The following ANKRD12 variants were observed in gnomAD, a reference collection of about 807,000 sequenced individuals.
The protein encoded by ANKRD12 is ankyrin repeat domain-containing protein 12.
A neutral mutation model predicts 183.4 loss-of-function variants in ANKRD12; 85 were observed. The observed-to-expected ratio is 0.46, with a 90% CI of 0.39 to 0.56. ANKRD12 has a LOEUF of 0.56. Ranked by LOEUF, ANKRD12 falls within the 20% of genes least tolerant of loss-of-function variation. ANKRD12 has a pLI of 0.00. For synonymous variants in ANKRD12, 914 were observed against 800.2 expected (o/e 1.14, Z -2.40); for missense variants, 2,405 against 2,357.1 (o/e 1.02, Z -0.42).
At chr18:9,191,342 A>G (rs139244316) in intron 2 of ANKRD12, among the ~76,000 whole-genome samples, 1 of 152,220 alleles carries the variant, frequency 6.6e-6, no homozygotes, top group East Asian at 1.9e-4. Flanking sequence ...CCTTTGTTCA[A>G]ATACGCCTTG....
At position 9,255,882 on chromosome 18, in the gene ANKRD12, A is replaced by T. The variant is rs1421646766; in HGVS notation, c.2615A>T (p.Lys872Met). The T allele has an allele frequency of 1.3e-6, 2 of 1,595,622 alleles. No homozygotes were observed. The highest frequency in any genetic ancestry group is 1.7e-6 in the Non-Finnish European group (2 of 1,175,248). Residue 872 changes from lysine to methionine, a missense_variant, in exon 9 of 13, where the codon AAG becomes ATG. By Grantham distance (95) the Lys-to-Met change is moderately conservative. Around this residue, in one of 7 missense-constraint regions of ANKRD12, gnomAD observed 1,983 missense variants for 1,725.9 expected, o/e 1.15. Transcript: ENST00000262126. The part of the protein sequence containing the change: ...ECVDKIKEKD[K>M]LYSHHTEKCH... ...GTTGATAAAATAAAAGAAAAGGACA[A>T]GCTATATTCGCATCACACAGAAAAA...
intron 8 of ANKRD12, among the ~76,000 whole-genome samples, chr18:9,246,411 T>G (rs1053388525): frequency 6.6e-6 from 1 of 152,190 alleles, no homozygotes; most frequent in Non-Finnish European, 1.5e-5. Flanking sequence ...TCACTCTACT[T>G]CTTCTTTGCC....
At chr18:9,144,944 TATATC>T (rs1379749815) in intron 1 of ANKRD12, among the ~76,000 whole-genome samples, 1 of 152,154 alleles carries the variant, frequency 6.6e-6, no homozygotes, top group African/African-American at 2.4e-5. Flanking sequence ...ATCATACTAA[TATATC>T]AATAATTATG....
rs530810189 is a variant in ANKRD12, at chr18:9,158,557, G to A, written c.-52+21592G>A. On this transcript the variant is annotated intron_variant, in intron 1 of 12. Transcript: ENST00000262126. Reference sequence around the variant, plus strand: ...TATGGCTTTGAGGAAGAGGATCACAGAGGTAAAATGTCATTTTTATCACAT... The same window carrying A: ...TATGGCTTTGAGGAAGAGGATCACAAAGGTAAAATGTCATTTTTATCACAT... Among the ~76,000 whole-genome samples, 17 of 152,334 alleles carry A rather than the reference G, an allele frequency of 1.1e-4. No homozygotes were observed. In the South Asian group the frequency reaches 2.1e-3, roughly 19 times the overall value.
chr18:9,188,695 A>C (rs1270985311), intron 2 of ANKRD12, among the ~76,000 whole-genome samples: 1 of 152,208 alleles, frequency 6.6e-6, no homozygotes. Context: ...ACTTGTCTCT[A>C]TGTCACATCT....
chr18:9,163,310 C>T (rs1395954902), intron 1 of ANKRD12, among the ~76,000 whole-genome samples: 1 of 152,138 alleles, frequency 6.6e-6, no homozygotes, highest in Admixed American at 6.6e-5. Flanking sequence ...ATCCTTTCTT[C>T]ATTGCTTGTT....
At chr18:9,204,106 G>A (rs2035341500) in intron 3 of ANKRD12, among the ~76,000 whole-genome samples, 1 of 152,168 alleles carries the variant, frequency 6.6e-6, no homozygotes. Context: ...AGAACAAAAA[G>A]TGTAAGACAA....
At chr18:9,171,244 C>G (rs1375365792) in intron 1 of ANKRD12, among the ~76,000 whole-genome samples, 1 of 152,148 alleles carries the variant, frequency 6.6e-6, no homozygotes, top group Non-Finnish European at 1.5e-5. Flanking sequence ...GTTGGAAATG[C>G]AGAAATCACC....
chr18:9,253,870 C>T (rs370737129), intron 8 of ANKRD12, among the ~76,000 whole-genome samples: 24 of 152,246 alleles, frequency 1.6e-4, no homozygotes, highest in African/African-American at 5.5e-4. Context: ...TGGGTATACA[C>T]CCAAAAGAAA....
At chr18:9,239,324 G>A (rs1598654449) in intron 8 of ANKRD12, among the ~76,000 whole-genome samples, 1 of 152,272 alleles carries the variant, frequency 6.6e-6, no homozygotes, top group Non-Finnish European at 1.5e-5. Flanking sequence ...CTTTTAGAAA[G>A]AAGTGCTGCA....
Position 9,258,336 on chromosome 18 carries a change from G to A in ANKRD12, c.5069G>A (p.Ser1690Asn). 1.2e-6 allele frequency: 2 copies of A among 1,613,718 alleles called. No individual in the cohort carries two copies. Among genetic ancestry groups the A allele is most frequent in the Non-Finnish European group, 1.7e-6 (2 of 1,179,924 alleles). ...ATAGAAGATGAGGAATCTCAACAAA[G>A]CATTTTATCAAGTCTGGAAAACCAT... ...LSIEDEESQQ[S>N]ILSSLENHSQ... Residue 1690 changes from serine (S) to asparagine (N), a missense_variant, in exon 9 of 13, where the codon AGC becomes AAC. Ser to Asn is a conservative substitution (Grantham distance 46). Around this residue, in one of 7 missense-constraint regions of ANKRD12, gnomAD observed 1,983 missense variants for 1,725.9 expected, o/e 1.15. Transcript: ENST00000262126.
At chr18:9,207,919 T>G (rs2144592639) in intron 4 of ANKRD12, among the ~76,000 whole-genome samples, 1 of 152,330 alleles carries the variant, frequency 6.6e-6, no homozygotes, top group Non-Finnish European at 1.5e-5. Flanking sequence ...AGTCTGAATT[T>G]GCTGACACTT....
At chr18:9,227,288 C>T (rs1278286941) in intron 8 of ANKRD12, among the ~76,000 whole-genome samples, 1 of 152,086 alleles carries the variant, frequency 6.6e-6, no homozygotes, top group Admixed American at 6.5e-5. Context: ...ATTTATTTCT[C>T]TAACTTCTTG....
chr18:9,275,796 C>A (rs1362824368), intron 11 of ANKRD12, 129 bp downstream of exon 11: 1 of 896,208 alleles, frequency 1.1e-6, no homozygotes, highest in Non-Finnish European at 1.6e-6. Flanking sequence ...AAAAAAAACT[C>A]TTTCAAGCCA....
chr18:9,248,152 T>G (rs1893198), intron 8 of ANKRD12, among the ~76,000 whole-genome samples: 1 of 152,078 alleles, frequency 6.6e-6, no homozygotes, highest in African/African-American at 2.4e-5. Flanking sequence ...TTTTACAGTT[T>G]ACCTGTAGTG....
At chr18:9,195,773 C>A in intron 3 of ANKRD12, 75 bp downstream of exon 3, 8 of 1,272,144 alleles carry the variant, frequency 6.3e-6, no homozygotes, top group South Asian at 3.0e-5. Flanking sequence ...GTACACCACT[C>A]CTCTTGACAC....
At chr18:9,180,530 A>G (rs1174147506) in intron 1 of ANKRD12, among the ~76,000 whole-genome samples, 2 of 151,526 alleles carry the variant, frequency 1.3e-5, no homozygotes, top group African/African-American at 4.9e-5. Flanking sequence ...CCTGCCTTTC[A>G]TTGGATTATT....
intron 1 of ANKRD12, among the ~76,000 whole-genome samples, chr18:9,167,981 G>A (rs2143911786): frequency 6.6e-6 from 1 of 152,214 alleles, no homozygotes; most frequent in Non-Finnish European, 1.5e-5. Flanking sequence ...ATAATCATGT[G>A]GTTTTTGTCT....
At chr18:9,215,787 T>C (rs1237399967) in intron 6 of ANKRD12, among the ~76,000 whole-genome samples, 1 of 152,084 alleles carries the variant, frequency 6.6e-6, no homozygotes, top group Non-Finnish European at 1.5e-5. Flanking sequence ...AAGGAAATCA[T>C]GAAAGAGATT....
Sources: allele counts gnomAD v4.1 joint callset (sites outside exome capture counted in the v4.1 genomes callset), GRCh38; gene constraint gnomAD v4.1.1; regional missense constraint gnomAD v4.1.1; transcripts MANE v1.5; gene names NCBI Gene and HGNC (gene_info 2026-07-23, HGNC 2026-07-21).